Variants in TCF12 observed in about 807,000 individuals in gnomAD.
The protein encoded by TCF12 is DNA-binding protein HTF4.
TCF12 carries 45 observed loss-of-function variants against 86.0 expected under a neutral mutation model. The ratio of observed to expected loss-of-function variants is 0.52; its 90% CI spans 0.41 to 0.67. The LOEUF (loss-of-function observed/expected upper bound fraction) is 0.67. Ranked by LOEUF, TCF12 falls within the 30% of genes least tolerant of loss-of-function variation. The probability of loss-of-function intolerance (pLI) is 0.00; values close to 1 mark genes in which losing one functional copy is unlikely to be tolerated. For missense variants in TCF12, 881 were observed against 859.9 expected (o/e 1.02, Z -0.31); for synonymous variants, 330 against 299.6 (o/e 1.10, Z -1.05).
At chr15:57,032,348 T>A (rs2066249249) in intron 3 of TCF12, among the ~76,000 whole-genome samples, 1 of 152,218 alleles carries the variant, frequency 6.6e-6, no homozygotes, top group Non-Finnish European at 1.5e-5. Flanking sequence ...ACTTGCAGAC[T>A]GACCTTAAAC....
Position 57,166,435 on chromosome 15 carries a change from A to G in TCF12, c.359A>G (p.Tyr120Cys), listed in dbSNP as rs2054899221. The change falls in exon 6 of 21, where the codon TAC (tyrosine) becomes TGC (cysteine). Residue 120 changes from tyrosine (Y) to cysteine (C), a missense_variant. By Grantham distance (194) the Tyr-to-Cys change is radical (BLOSUM62 -2). Coordinates refer to ENST00000333725, the MANE Select transcript of TCF12 (RefSeq NM_207037.2). ...TCAGAGAGAGGCTCATTTTCCCTGT[A>G]CAGCAGAGATACTGGATTACCAGGC... is the stretch of plus-strand genomic sequence containing the variant. ...KTSERGSFSLYSRDTGLPGCQ... is the reference protein window; with the variant it reads ...KTSERGSFSLCSRDTGLPGCQ... The G allele has an allele frequency of 2.5e-6, 4 of 1,613,078 alleles. No individual in the cohort carries two copies. Among genetic ancestry groups the G allele is most frequent in the Non-Finnish European group, 3.4e-6 (4 of 1,179,624 alleles).
chr15:57,187,966 A>G (rs2056771906), intron 6 of TCF12, among the ~76,000 whole-genome samples: 1 of 151,978 alleles, frequency 6.6e-6, no homozygotes. Context: ...CAGATTAGCT[A>G]GCCAAGAAAA....
chr15:56,919,512 G>A (rs2059669443), intron 1 of TCF12: 1 of 165,022 alleles, frequency 6.1e-6, no homozygotes, highest in East Asian at 1.3e-4. Flanking sequence ...CTCGCTGGAC[G>A]CCGAATTGCC....
In TCF12 at chr15:57,009,749, T is replaced by C. The variant is rs545103551; in HGVS notation, c.149-54001T>C. Reference sequence around the variant, plus strand: ...ATTTCTCAACTCAAATTTATTGTGCTACATGAAGTTCTAGGTTCCACAGGT... The same window carrying C: ...ATTTCTCAACTCAAATTTATTGTGCCACATGAAGTTCTAGGTTCCACAGGT... On this transcript the variant is annotated intron_variant, in intron 3 of 20. Coordinates refer to ENST00000333725, the MANE Select transcript of TCF12 (RefSeq NM_207037.2). 7.7e-4 allele frequency among the ~76,000 whole-genome samples: 118 copies of C among 152,324 alleles called. 1 individual carries two copies. Among genetic ancestry groups the C allele is most frequent in the African/African-American group, 2.7e-3 (111 of 41,578 alleles).
intron 16 of TCF12, among the ~76,000 whole-genome samples, chr15:57,258,945 G>T (rs753048654): frequency 6.6e-5 from 10 of 152,030 alleles, no homozygotes; most frequent in Non-Finnish European, 1.2e-4. Context: ...CTTCCATTTG[G>T]ACAGTATTTA....
chr15:56,921,138 G>C (rs1448621896), intron 3 of TCF12, 40 bp downstream of exon 3: 1 of 1,499,470 alleles, frequency 6.7e-7, no homozygotes, highest in East Asian at 2.4e-5. Flanking sequence ...TATTTTGGTG[G>C]TGTGATACAT....
chr15:56,921,176 T>A (rs1332360380), intron 3 of TCF12, 78 bp downstream of exon 3: 8 of 1,067,104 alleles, frequency 7.5e-6, no homozygotes, highest in Non-Finnish European at 1.1e-5. Context: ...AAGCATAACA[T>A]TTAAATATTA....
At chr15:57,227,830 T>C (rs1380338280) in intron 8 of TCF12, among the ~76,000 whole-genome samples, 2 of 152,112 alleles carry the variant, frequency 1.3e-5, no homozygotes, top group African/African-American at 4.8e-5. Flanking sequence ...ATCTACCACA[T>C]TTTAATAGAA....
At chr15:57,090,304 C>A (rs1181072136) in intron 4 of TCF12, among the ~76,000 whole-genome samples, 7 of 152,120 alleles carry the variant, frequency 4.6e-5, no homozygotes, top group Non-Finnish European at 5.9e-5. Flanking sequence ...TATATAGGGT[C>A]TACTAAATGT....
At chr15:57,048,369 C>G (rs1005022735) in intron 3 of TCF12, among the ~76,000 whole-genome samples, 8 of 152,180 alleles carry the variant, frequency 5.3e-5, no homozygotes, top group African/African-American at 1.9e-4. Context: ...TCACGCCATT[C>G]TCCTGCCTCA....
intron 12 of TCF12, among the ~76,000 whole-genome samples, chr15:57,236,149 G>T (rs972458834): frequency 1.3e-5 from 2 of 152,078 alleles, no homozygotes; most frequent in Non-Finnish European, 2.9e-5. Context: ...CATTCCATCT[G>T]CTCCATCACT....
chr15:56,921,559 T>A (rs1179029372), intron 3 of TCF12, among the ~76,000 whole-genome samples: 6 of 152,146 alleles, frequency 3.9e-5, no homozygotes, highest in Admixed American at 3.3e-4. Context: ...TTTTAACTTT[T>A]AAAAACTCAT....
intron 5 of TCF12, among the ~76,000 whole-genome samples, chr15:57,119,246 CCAT>C (rs1296794351): frequency 6.6e-6 from 1 of 151,960 alleles, no homozygotes; most frequent in African/African-American, 2.4e-5. Context: ...GTATGAACCA[CCAT>C]GACTGGCTAA....
chr15:57,184,254 C>T lies in TCF12; in HGVS notation c.391-7904C>T, dbSNP rs12899036. On this transcript the variant is annotated intron_variant, in intron 6 of 20. Coordinates refer to ENST00000333725, the MANE Select transcript of TCF12 (RefSeq NM_207037.2). ...GCTTAACACTGTTGCATGAAAACAG[C>T]CATAGCCAATACATAAATGAATTGT... 7.6e-3 allele frequency among the ~76,000 whole-genome samples: 1,153 copies of T among 152,032 alleles called. 8 individuals carry two copies. Among genetic ancestry groups the T allele is most frequent in the Middle Eastern group, 0.027 (8 of 294 alleles).
chr15:57,205,905 T>G (rs2057786557), intron 8 of TCF12, among the ~76,000 whole-genome samples: 1 of 152,184 alleles, frequency 6.6e-6, no homozygotes, highest in Non-Finnish European at 1.5e-5. Context: ...ATGGATCCAG[T>G]TGTACTGATA....
At chr15:56,968,125 T>G (rs1445832201) in intron 3 of TCF12, among the ~76,000 whole-genome samples, 2 of 151,988 alleles carry the variant, frequency 1.3e-5, no homozygotes, top group African/African-American at 4.8e-5. Context: ...CCTGGCTAAT[T>G]TTTGTATTTT....
chr15:56,947,883 A>C (rs1350993836), intron 3 of TCF12, among the ~76,000 whole-genome samples: 1 of 152,182 alleles, frequency 6.6e-6, no homozygotes, highest in African/African-American at 2.4e-5. Flanking sequence ...TTGGGTGCAC[A>C]GCCTAAATGG....
At chr15:56,961,974 A>T (rs563009216) in intron 3 of TCF12, among the ~76,000 whole-genome samples, 64 of 150,984 alleles carry the variant, frequency 4.2e-4, no homozygotes, top group African/African-American at 1.5e-3. Context: ...ACTAAAAATT[A>T]AAAAAAAATT....
chr15:57,001,782 T>G (rs1385942676), intron 3 of TCF12, among the ~76,000 whole-genome samples: 1 of 152,196 alleles, frequency 6.6e-6, no homozygotes, highest in Admixed American at 6.5e-5. Context: ...AGTGACTGGT[T>G]CCTAGTTCTG....
Sources: allele counts gnomAD v4.1 joint callset (sites outside exome capture counted in the v4.1 genomes callset), GRCh38; gene constraint gnomAD v4.1.1; transcripts MANE v1.5; gene names NCBI Gene and HGNC (gene_info 2026-07-23, HGNC 2026-07-21).